Variants in FAM241A observed in about 807,000 individuals in gnomAD.
The protein encoded by FAM241A is uncharacterized protein FAM241A.
A neutral mutation model predicts 12.2 loss-of-function variants in FAM241A; 7 were observed. The observed-to-expected ratio is 0.58, with a 90% CI of 0.33 to 1.08. The LOEUF (loss-of-function observed/expected upper bound fraction) is 1.08, where lower values mean the gene tolerates loss of function less well. Among genes scored for constraint, FAM241A ranks in the 50% least tolerant of loss-of-function variants. FAM241A has a pLI of 0.04. For missense variants in FAM241A, 161 were observed against 169.7 expected (o/e 0.95, Z 0.29); for synonymous variants, 74 against 68.2 (o/e 1.08, Z -0.42).
At chr4:112,185,460 A>G (rs1348394394) in intron 1 of FAM241A, among the ~76,000 whole-genome samples, 1 of 152,202 alleles carries the variant, frequency 6.6e-6, no homozygotes, top group Non-Finnish European at 1.5e-5. Context: ...CTGTGCTTTA[A>G]CAAGCCCTCC....
chr4:112,150,433 G>C (rs1013699626), intron 1 of FAM241A, among the ~76,000 whole-genome samples: 1 of 152,076 alleles, frequency 6.6e-6, no homozygotes, highest in African/African-American at 2.4e-5. Context: ...GCATCTTCTA[G>C]GTATATAATT....
At chr4:112,150,047 A>T (rs1414451402) in intron 1 of FAM241A, among the ~76,000 whole-genome samples, 1 of 152,016 alleles carries the variant, frequency 6.6e-6, no homozygotes, top group African/African-American at 2.4e-5. Flanking sequence ...CTAATCTTAC[A>T]ATCAGTTAAA....
intron 1 of FAM241A, among the ~76,000 whole-genome samples, chr4:112,147,630 A>G (rs999420238): frequency 1.3e-5 from 2 of 152,254 alleles, no homozygotes; most frequent in African/African-American, 4.8e-5. Flanking sequence ...TGAGGAAGAA[A>G]TGAAATTAAC....
chr4:112,157,893 G>C (rs1723385643), intron 1 of FAM241A, among the ~76,000 whole-genome samples: 1 of 152,032 alleles, frequency 6.6e-6, no homozygotes, highest in Non-Finnish European at 1.5e-5. Context: ...AGACAACTTT[G>C]TCTACTCAAG....
chr4:112,172,135 C>T (rs1242139989), intron 1 of FAM241A, among the ~76,000 whole-genome samples: 2 of 152,210 alleles, frequency 1.3e-5, no homozygotes, highest in Non-Finnish European at 2.9e-5. Context: ...CATAATCTCT[C>T]TTCCTCAGTT....
rs1248881490 is a variant in FAM241A, at chr4:112,193,121, G to GT, written c.*6189dup. Reference sequence around the variant, plus strand: ...AGTGATGGTGAGCATTTTTTCATGTGTTTTTTGGCTGCATAAATGTCTTCT... The same window carrying GT: ...AGTGATGGTGAGCATTTTTTCATGTGTTTTTTTGGCTGCATAAATGTCTTCT... On this transcript the variant is annotated 3_prime_UTR_variant, in exon 2 of 2. Coordinates refer to ENST00000309733, the MANE Select transcript of FAM241A (RefSeq NM_152400.3). 1 of 151,566 alleles carries GT rather than the reference G, an allele frequency of 6.6e-6. No homozygotes were observed. Among genetic ancestry groups the GT allele is most frequent in the African/African-American group, 2.4e-5 (1 of 41,070 alleles). 9.4% of individuals were successfully genotyped at this position (151,566 alleles called of 1,614,324 possible).
intron 1 of FAM241A, among the ~76,000 whole-genome samples, chr4:112,173,862 G>A (rs958491800): frequency 6.6e-6 from 1 of 152,176 alleles, no homozygotes; most frequent in South Asian, 2.1e-4. Flanking sequence ...CCAGAACAAT[G>A]AGGTAAGGAA....
In FAM241A at chr4:112,191,111, T is replaced by G. The variant is rs1041492603; in HGVS notation, c.*4173T>G. On this transcript the variant is annotated 3_prime_UTR_variant, in exon 2 of 2. Transcript: ENST00000309733. ...ATCCTTCTCCCAAATCTTTAATTCC[T>G]GTTTCCCATCTCAGCAAATGACACA... 1 of 152,276 alleles carries G rather than the reference T, an allele frequency of 6.6e-6. No homozygotes were observed. Among genetic ancestry groups the G allele is most frequent in the African/African-American group, 2.4e-5 (1 of 41,460 alleles). The allele number at this position is 152,276 out of a possible 1,614,324, so 9.4% of individuals were successfully genotyped here. A position where few individuals can be genotyped will look rare whatever the true frequency, so the allele number is the denominator to read the frequency against.
chr4:112,164,865 C>G (rs545303032), intron 1 of FAM241A, among the ~76,000 whole-genome samples: 2 of 152,342 alleles, frequency 1.3e-5, no homozygotes, highest in African/African-American at 4.8e-5. Flanking sequence ...AATCCCAGCA[C>G]TTTGGGAGGC....
chr4:112,171,831 C>G (rs936251582), intron 1 of FAM241A, among the ~76,000 whole-genome samples: 32 of 152,058 alleles, frequency 2.1e-4, no homozygotes, highest in African/African-American at 7.0e-4. Context: ...TGCACTCCAA[C>G]CTGGGTGACA....
chr4:112,161,823 T>C (rs2110424831), intron 1 of FAM241A, among the ~76,000 whole-genome samples: 1 of 152,282 alleles, frequency 6.6e-6, no homozygotes, highest in Admixed American at 6.5e-5. Context: ...GCCAGCATCA[T>C]CTTGATACCA....
intron 1 of FAM241A, among the ~76,000 whole-genome samples, chr4:112,161,709 C>T (rs1424239718): frequency 6.6e-6 from 1 of 152,160 alleles, no homozygotes; most frequent in Non-Finnish European, 1.5e-5. Context: ...GACGGATTCA[C>T]AGCTGAATTC....
chr4:112,190,984 G>C lies in FAM241A; in HGVS notation c.*4046G>C, dbSNP rs1035873006. The C allele has an allele frequency of 1.3e-5, 2 of 152,168 alleles. No homozygotes were observed. Among genetic ancestry groups the C allele is most frequent in the Non-Finnish European group, 2.9e-5 (2 of 68,042 alleles). 9.4% of individuals were successfully genotyped at this position (152,168 alleles called of 1,614,324 possible). ...ATTTGCATCTCTAGATCAGAGCACTGTACAGAATTTAAGACTCCTACATTC... is the reference window on the plus strand; with the variant it reads ...ATTTGCATCTCTAGATCAGAGCACTCTACAGAATTTAAGACTCCTACATTC... On this transcript the variant is annotated 3_prime_UTR_variant, in exon 2 of 2. Coordinates refer to ENST00000309733, the MANE Select transcript of FAM241A (RefSeq NM_152400.3).
chr4:112,153,624 C>A (rs1560579667), intron 1 of FAM241A, among the ~76,000 whole-genome samples: 1 of 152,186 alleles, frequency 6.6e-6, no homozygotes, highest in Non-Finnish European at 1.5e-5. Flanking sequence ...TACTTTCTAT[C>A]TTCTGATCTT....
At chr4:112,159,527 C>T (rs1008713141) in intron 1 of FAM241A, among the ~76,000 whole-genome samples, 8 of 152,036 alleles carry the variant, frequency 5.3e-5, no homozygotes, top group African/African-American at 1.9e-4. Flanking sequence ...GGTACAAATC[C>T]TCAACAAAAT....
intron 1 of FAM241A, among the ~76,000 whole-genome samples, chr4:112,166,225 AT>A (rs902065571): frequency 2.2e-3 from 304 of 137,738 alleles, no homozygotes; most frequent in Middle Eastern, 3.8e-3. Context: ...ATTTTTTTGT[AT>A]TTTTTTTTTT....
intron 1 of FAM241A, among the ~76,000 whole-genome samples, chr4:112,153,206 T>C (rs1436686130): frequency 2.6e-5 from 4 of 151,200 alleles, no homozygotes; most frequent in African/African-American, 7.3e-5. Context: ...AGATCTCTAG[T>C]TGGTTTCTTT....
At chr4:112,147,780 T>A (rs1023343842) in intron 1 of FAM241A, among the ~76,000 whole-genome samples, 3 of 152,176 alleles carry the variant, frequency 2.0e-5, no homozygotes, top group African/African-American at 7.2e-5. Context: ...GGTTTCTAAG[T>A]TAATGATTTA....
chr4:112,172,649 G>T (rs992286410), intron 1 of FAM241A, among the ~76,000 whole-genome samples: 2 of 151,944 alleles, frequency 1.3e-5, no homozygotes, highest in African/African-American at 4.8e-5. Context: ...ATATGTATTT[G>T]TTTATAAATG....
Sources: gnomAD v4.1 joint callset for allele counts (sites outside exome capture counted in the v4.1 genomes callset) on GRCh38, gnomAD v4.1.1 for gene constraint, MANE v1.5 for transcripts, NCBI Gene and HGNC (gene_info 2026-07-23, HGNC 2026-07-21) for gene names.